The following NREP variants were observed in gnomAD, a reference collection of about 807,000 sequenced individuals.
The protein encoded by NREP is neuronal regeneration related protein.
A neutral mutation model predicts 8.6 loss-of-function variants in NREP; 5 were observed. That is an observed-to-expected ratio of 0.58 (90% CI 0.30 to 1.22). The LOEUF is 1.22. NREP is among the 50% of genes most tolerant of loss of function. The probability of loss-of-function intolerance (pLI) is 0.07; values close to 1 mark genes in which losing one functional copy is unlikely to be tolerated. For synonymous variants in NREP, 27 were observed against 28.0 expected, an observed-to-expected ratio of 0.96 and a Z score of 0.11; for missense variants, 86 against 82.5, an observed-to-expected ratio of 1.04 and a Z score of -0.17.
intron 2 of NREP, chr5:111,975,196 A>T: frequency 1.1e-6 from 1 of 936,062 alleles, no homozygotes; most frequent in Non-Finnish European, 1.7e-6. Flanking sequence ...TTCAGGAATC[A>T]CTTGGTTGCA....
intron 2 of NREP, among the ~76,000 whole-genome samples, chr5:111,778,825 A>G (rs142581609): frequency 6.6e-6 from 1 of 152,284 alleles, no homozygotes; most frequent in Non-Finnish European, 1.5e-5. Flanking sequence ...ACTACATGTA[A>G]AATATCTTCA....
intron 2 of NREP, among the ~76,000 whole-genome samples, chr5:111,889,866 T>C (rs1423582310): frequency 6.6e-6 from 1 of 152,070 alleles, no homozygotes; most frequent in South Asian, 2.1e-4. Flanking sequence ...AAGGGGGTTA[T>C]TCTCTTGCGG....
intron 2 of NREP, among the ~76,000 whole-genome samples, chr5:111,769,508 T>C (rs763351465): frequency 1.1e-4 from 16 of 152,216 alleles, no homozygotes; most frequent in Non-Finnish European, 2.1e-4. Context: ...AGCTAGGACC[T>C]GAATAAGAAG....
intron 3 of NREP, chr5:111,734,446 G>A (rs1458473239): frequency 9.9e-6 from 3 of 302,690 alleles, no homozygotes; most frequent in Non-Finnish European, 1.8e-5. Context: ...AAACCATTTT[G>A]TTCACCTACT....
chr5:111,954,913 A>T (rs1380344787), intron 2 of NREP, among the ~76,000 whole-genome samples: 2 of 152,182 alleles, frequency 1.3e-5, no homozygotes, highest in African/African-American at 2.4e-5. Context: ...GTTGCACATG[A>T]CTCATTGCTG....
At chr5:111,921,932 G>A (rs12516793) in intron 2 of NREP, among the ~76,000 whole-genome samples, 11,018 of 152,166 alleles carry the variant, frequency 0.072, 509 homozygotes, top group Non-Finnish European at 0.098. Context: ...GCTGCCATGA[G>A]GTAAGAAGTA....
intron 2 of NREP, among the ~76,000 whole-genome samples, chr5:111,892,015 T>C (rs1490457538): frequency 6.6e-6 from 1 of 152,118 alleles, no homozygotes; most frequent in Non-Finnish European, 1.5e-5. Context: ...GTGAATGCAT[T>C]CTATGAGACA....
At chr5:111,798,029 A>G (rs905416124) in intron 2 of NREP, among the ~76,000 whole-genome samples, 1 of 152,200 alleles carries the variant, frequency 6.6e-6, no homozygotes, top group African/African-American at 2.4e-5. Flanking sequence ...ACTTTACACT[A>G]AGCACAGATT....
intron 2 of NREP, among the ~76,000 whole-genome samples, chr5:111,776,104 G>A (rs765819995): frequency 5.8e-4 from 88 of 152,170 alleles, no homozygotes; most frequent in Non-Finnish European, 1.2e-3. Flanking sequence ...GGAGCAGTAT[G>A]TACCAGTTGA....
At chr5:111,900,548 C>T (rs1182120511) in intron 2 of NREP, among the ~76,000 whole-genome samples, 1 of 151,658 alleles carries the variant, frequency 6.6e-6, no homozygotes, top group East Asian at 1.9e-4. Context: ...AGTAAATGTC[C>T]AATAAATAAA....
chr5:111,897,347 G>A (rs1352416906), intron 2 of NREP, among the ~76,000 whole-genome samples: 1 of 152,144 alleles, frequency 6.6e-6, no homozygotes, highest in Non-Finnish European at 1.5e-5. Flanking sequence ...AGACAACACT[G>A]TGCCAGTGCA....
chr5:111,943,083 C>A (rs1188516047), intron 2 of NREP, among the ~76,000 whole-genome samples: 1 of 151,978 alleles, frequency 6.6e-6, no homozygotes, highest in Non-Finnish European at 1.5e-5. Context: ...AGTCCTCTTT[C>A]CTTTTTTCCA....
chr5:111,909,369 G>T (rs192558086), intron 2 of NREP, among the ~76,000 whole-genome samples: 1 of 152,180 alleles, frequency 6.6e-6, no homozygotes, highest in Admixed American at 6.6e-5. Context: ...AACACAATGA[G>T]TTAGGTTGCA....
At chr5:111,927,730 C>T in intron 2 of NREP, among the ~76,000 whole-genome samples, 1 of 152,180 alleles carries the variant, frequency 6.6e-6, no homozygotes, top group East Asian at 1.9e-4. Context: ...AGAGTAACTA[C>T]CCTGCCCACT....
intron 2 of NREP, among the ~76,000 whole-genome samples, chr5:111,796,237 G>A (rs1302531313): frequency 2.0e-5 from 3 of 152,054 alleles, no homozygotes; most frequent in South Asian, 2.1e-4. Flanking sequence ...CTTGCCTCTC[G>A]CCTCTAGCTC....
Position 111,848,839 on chromosome 5 carries a change from C to T in NREP, c.136-113332G>A, listed in dbSNP as rs373981637. On this transcript the variant is annotated intron_variant, in intron 2 of 3. Coordinates refer to the NREP transcript ENST00000395634. ...GAGTTACAAGTTCCTCATTATGTAGCAGAGGAGCCTGAGCCTAAGAAACAG... is the reference window on the plus strand; with the variant it reads ...GAGTTACAAGTTCCTCATTATGTAGTAGAGGAGCCTGAGCCTAAGAAACAG... 1.2e-4 allele frequency among the ~76,000 whole-genome samples: 18 copies of T among 151,448 alleles called. No homozygotes were observed. The East Asian group carries it at 3.5e-3, about 29-fold the overall frequency.
intron 2 of NREP, among the ~76,000 whole-genome samples, chr5:111,773,915 A>G (rs1412338092): frequency 6.6e-6 from 1 of 152,046 alleles, no homozygotes; most frequent in Non-Finnish European, 1.5e-5. Flanking sequence ...ATACCAAAAG[A>G]CCACACTCCT....
At chr5:111,808,300 A>T (rs1752189620) in intron 2 of NREP, among the ~76,000 whole-genome samples, 1 of 152,074 alleles carries the variant, frequency 6.6e-6, no homozygotes, top group Non-Finnish European at 1.5e-5. Flanking sequence ...TCTGCTGGGG[A>T]GGGGGTGTCT....
intron 2 of NREP, among the ~76,000 whole-genome samples, chr5:111,892,665 G>T (rs1307157654): frequency 6.6e-6 from 1 of 152,128 alleles, no homozygotes; most frequent in East Asian, 1.9e-4. Context: ...GGAAATGTGG[G>T]TTAAAACTTT....
Sources: allele counts gnomAD v4.1 joint callset (sites outside exome capture counted in the v4.1 genomes callset), GRCh38; gene constraint gnomAD v4.1.1; transcripts MANE v1.5; gene names NCBI Gene and HGNC (gene_info 2026-07-23, HGNC 2026-07-21).